SNX13: variants seen among roughly 807,000 people sequenced by gnomAD.
The protein encoded by SNX13 is sorting nexin 13, also known as sorting nexin-13.
In SNX13, 45 loss-of-function variants were observed where a neutral mutation model predicts 133.6. That is an observed-to-expected ratio of 0.34 (90% CI 0.27 to 0.43). The LOEUF (loss-of-function observed/expected upper bound fraction) is 0.43, where lower values mean the gene tolerates loss of function less well. Ranked by LOEUF, SNX13 falls within the 20% of genes least tolerant of loss-of-function variation. SNX13 has a pLI of 1.00. For synonymous variants in SNX13, 414 were observed against 373.9 expected, an observed-to-expected ratio of 1.11 and a Z score of -1.24; for missense variants, 1,032 against 1,145.1, an observed-to-expected ratio of 0.90 and a Z score of 1.43.
chr7:17,805,254 T>TACGCGCGCGCGCGC (rs1785119631), intron 20 of SNX13, among the ~76,000 whole-genome samples: 1 of 132,440 alleles, frequency 7.6e-6, no homozygotes, highest in Non-Finnish European at 1.6e-5. Flanking sequence ...TGTGTGTGCG[T>TACGCGCGCGCGCGC]GCGCGCGCGC....
intron 1 of SNX13, among the ~76,000 whole-genome samples, chr7:17,939,568 AATTG>A (rs1272872943): frequency 2.0e-5 from 3 of 152,222 alleles, no homozygotes; most frequent in Non-Finnish European, 2.9e-5. Flanking sequence ...AGAAAAGGGA[AATTG>A]ATTGGTTCGT....
intron 2 of SNX13, among the ~76,000 whole-genome samples, chr7:17,896,705 C>T (rs1269468060): frequency 6.6e-6 from 1 of 152,078 alleles, no homozygotes; most frequent in African/African-American, 2.4e-5. Context: ...AACAAACATC[C>T]CTTGTCTATA....
chr7:17,886,602 A>G (rs1019663483), intron 5 of SNX13, among the ~76,000 whole-genome samples: 7 of 151,972 alleles, frequency 4.6e-5, no homozygotes, highest in Non-Finnish European at 8.8e-5. Flanking sequence ...AAAAAAAAAG[A>G]ATATATTATG....
intron 12 of SNX13, among the ~76,000 whole-genome samples, chr7:17,841,583 C>CACACACAA (rs1491551329): frequency 7.2e-4 from 109 of 150,460 alleles, no homozygotes; most frequent in African/African-American, 2.6e-3. Flanking sequence ...CACACACACA[C>CACACACAA]GCACACACAC....
At chr7:17,895,706 A>T (rs1797129902) in intron 2 of SNX13, among the ~76,000 whole-genome samples, 1 of 152,166 alleles carries the variant, frequency 6.6e-6, no homozygotes, top group Admixed American at 6.5e-5. Flanking sequence ...GGTTCTCATG[A>T]CTTTAAAAAT....
Position 17,834,882 on chromosome 7 carries a change from A to G in SNX13, c.1360-17T>C. ...TGGAGATGCCTAACAGAGAAAAATA[A>G]TAGTAATGATCTCTGTAATTTCTTA... On this transcript the variant is annotated splice_polypyrimidine_tract_variant and intron_variant, in intron 13 of 25. Coordinates refer to ENST00000428135, the MANE Select transcript of SNX13 (RefSeq NM_015132.5). The G allele has an allele frequency of 6.5e-6, 9 of 1,395,156 alleles. No homozygotes were observed. Among genetic ancestry groups the G allele is most frequent in the Non-Finnish European group, 9.1e-6 (9 of 987,054 alleles). The allele number at this position is 1,395,156 out of a possible 1,614,324, so 86.4% of individuals were successfully genotyped here. A position where few individuals can be genotyped will look rare whatever the true frequency, so the allele number is the denominator to read the frequency against.
intron 17 of SNX13, among the ~76,000 whole-genome samples, chr7:17,823,352 A>G (rs749953442): frequency 1.8e-4 from 27 of 152,330 alleles, no homozygotes; most frequent in Non-Finnish European, 2.4e-4. Flanking sequence ...ACGTTTATTC[A>G]TAAGTGTGAA....
At chr7:17,865,704 A>G (rs1208989507) in intron 9 of SNX13, among the ~76,000 whole-genome samples, 1 of 152,218 alleles carries the variant, frequency 6.6e-6, no homozygotes, top group Non-Finnish European at 1.5e-5. Flanking sequence ...GAAAAGAACA[A>G]AGCTGAAGAC....
rs1042859928 is a variant in SNX13, at chr7:17,793,188, A to C, written c.*857T>G. On this transcript the variant is annotated 3_prime_UTR_variant, in exon 26 of 26. Transcript: ENST00000428135. ...AAATTTCCATATTTTTAGAAGGACA[A>C]AATGTATTTGGCAGTTCTTCCAATA... The C allele has an allele frequency of 6.6e-6, 1 of 152,272 alleles. No homozygotes were observed. The highest frequency in any genetic ancestry group is 2.4e-5 in the African/African-American group (1 of 41,410). 9.4% of individuals were successfully genotyped at this position (152,272 alleles called of 1,614,324 possible).
At chr7:17,804,602 C>T (rs1210377784) in intron 20 of SNX13, among the ~76,000 whole-genome samples, 1 of 151,650 alleles carries the variant, frequency 6.6e-6, no homozygotes, top group African/African-American at 2.4e-5. Context: ...AAATAATTTA[C>T]ATTAATAAAG....
intron 1 of SNX13, among the ~76,000 whole-genome samples, chr7:17,938,685 C>T (rs1014010792): frequency 9.2e-5 from 14 of 152,128 alleles, no homozygotes; most frequent in Non-Finnish European, 1.6e-4. Flanking sequence ...GAGAAAGCTC[C>T]ATCTTTCCAA....
In SNX13 at chr7:17,831,360, G is replaced by C. The variant is rs1023241432; in HGVS notation, c.1598-1313C>G. On this transcript the variant is annotated intron_variant, in intron 15 of 25. Transcript: ENST00000428135. Reference sequence around the variant, plus strand: ...TTCATATAGTTTTAAAAGCCTATGAGACTGTTTTAATAAAGGAGAAAATAT... The same window carrying C: ...TTCATATAGTTTTAAAAGCCTATGACACTGTTTTAATAAAGGAGAAAATAT... The C allele has an allele frequency of 5.9e-6, 5 of 841,148 alleles. No homozygotes were observed. In the African/African-American group the frequency reaches 9.2e-5, roughly 16 times the overall value. The allele number at this position is 841,148 out of a possible 1,614,324, so 52.1% of individuals were successfully genotyped here.
chr7:17,884,632 T>C (rs1236686391), intron 5 of SNX13, among the ~76,000 whole-genome samples: 4 of 152,340 alleles, frequency 2.6e-5, no homozygotes, highest in Admixed American at 2.0e-4. Context: ...CATTTTAATA[T>C]GCTCCCATTG....
At chr7:17,905,166 G>GA (rs1281075019) in intron 1 of SNX13, among the ~76,000 whole-genome samples, 1 of 152,074 alleles carries the variant, frequency 6.6e-6, no homozygotes, top group African/African-American at 2.4e-5. Flanking sequence ...ATACAATTAA[G>GA]AAAAAAATTA....
intron 9 of SNX13, among the ~76,000 whole-genome samples, chr7:17,853,793 T>A (rs1309985411): frequency 2.6e-5 from 4 of 151,970 alleles, no homozygotes; most frequent in Non-Finnish European, 4.4e-5. Context: ...AATACAAAAA[T>A]TAGCCAGGCA....
At position 17,881,685 on chromosome 7, in the gene SNX13, C is replaced by G. The variant is rs184087638; in HGVS notation, c.441-5895G>C. On this transcript the variant is annotated intron_variant, in intron 5 of 25. Coordinates refer to ENST00000428135, the MANE Select transcript of SNX13 (RefSeq NM_015132.5). The stretch of plus-strand genomic sequence containing the variant: ...AATTCCTTCTCCTGAGTCTCTGAAT[C>G]AGATACTAAGTCCCCCTCTTAATTC... 6 of 152,240 alleles carry G rather than the reference C, an allele frequency of 3.9e-5. No homozygotes were observed. The East Asian group carries it at 1.2e-3, about 29-fold the overall frequency. 9.4% of individuals were successfully genotyped at this position (152,240 alleles called of 1,614,324 possible).
chr7:17,806,660 G>A (rs1785333400), intron 20 of SNX13, among the ~76,000 whole-genome samples: 1 of 152,072 alleles, frequency 6.6e-6, no homozygotes, highest in South Asian at 2.1e-4. Flanking sequence ...AAAGTGAGTG[G>A]CTGGCAAGAC....
rs35507251 is a variant in SNX13 at position 17,839,861 on chromosome 7, T to C, written c.1305A>G (p.Lys435=). 36,306 of 1,611,556 alleles carry C rather than the reference T, an allele frequency of 0.023. 711 individuals are homozygous for C. The highest frequency in any genetic ancestry group is 0.11 in the Middle Eastern group (689 of 6,038). The change falls in exon 13 of 26, where the codon AAA becomes AAG. Residue 435 remains lysine, a synonymous_variant. Coordinates refer to ENST00000428135, the MANE Select transcript of SNX13 (RefSeq NM_015132.5). ...RDGKHQTNQT[K]GLLRAAAVGI... is the part of the protein sequence containing the mutation. ...CAACAGCAGCTGCTCTTAAAAGACC[T>C]TTGGTTTGGTTGGTTTGATGTTTTC...
intron 1 of SNX13, among the ~76,000 whole-genome samples, chr7:17,908,489 T>C (rs370114724): frequency 1.4e-4 from 22 of 152,300 alleles, no homozygotes; most frequent in African/African-American, 4.8e-4. Context: ...CCAGCTGAAA[T>C]TGTTATCTCC....
Sources: gnomAD v4.1 joint callset for allele counts (sites outside exome capture counted in the v4.1 genomes callset) on GRCh38, gnomAD v4.1.1 for gene constraint, MANE v1.5 for transcripts, NCBI Gene and HGNC (gene_info 2026-07-23, HGNC 2026-07-21) for gene names.